The following SPAG16 variants were observed in gnomAD, a reference collection of about 807,000 sequenced individuals.
The protein encoded by SPAG16 is sperm-associated antigen 16 protein.
SPAG16 carries 86 observed loss-of-function variants against 80.4 expected under a neutral mutation model. The observed-to-expected ratio is 1.07, with a 90% CI of 0.90 to 1.28. The LOEUF is 1.28. Among genes scored for constraint, SPAG16 ranks in the 50% most tolerant of loss-of-function variants. The pLI, the probability that SPAG16 is intolerant of heterozygous loss-of-function variation, is 0.00. For missense variants in SPAG16, 870 were observed against 765.3 expected, an observed-to-expected ratio of 1.14 and a Z score of -1.61; for synonymous variants, 294 against 265.9, an observed-to-expected ratio of 1.11 and a Z score of -1.03.
intron 5 of SPAG16, among the ~76,000 whole-genome samples, chr2:213,326,799 A>T (rs1019132554): frequency 6.6e-6 from 1 of 152,028 alleles, no homozygotes; most frequent in African/African-American, 2.4e-5. Flanking sequence ...CAATAAACTC[A>T]TTATTAAATG....
At chr2:214,026,591 T>G (rs2048143585) in intron 13 of SPAG16, among the ~76,000 whole-genome samples, 1 of 151,452 alleles carries the variant, frequency 6.6e-6, no homozygotes, top group Non-Finnish European at 1.5e-5. Context: ...TCCAAGGAGA[T>G]CCTAATAATG....
chr2:213,681,768 AT>A (rs949984512), intron 10 of SPAG16, among the ~76,000 whole-genome samples: 1 of 152,134 alleles, frequency 6.6e-6, no homozygotes, highest in Non-Finnish European at 1.5e-5. Flanking sequence ...TCTGCACTGC[AT>A]TTTTTTCTTT....
intron 14 of SPAG16, among the ~76,000 whole-genome samples, chr2:214,143,977 G>A (rs2055500829): frequency 6.6e-6 from 1 of 152,046 alleles, no homozygotes; most frequent in South Asian, 2.1e-4. Flanking sequence ...GAGCAACATA[G>A]CAAGACCCTG....
At chr2:213,375,195 C>A in intron 9 of SPAG16, 76 bp downstream of exon 9, 1 of 1,052,004 alleles carries the variant, frequency 9.5e-7, no homozygotes, top group South Asian at 1.7e-5. Flanking sequence ...CATATGGTAT[C>A]ATTATTTTAC....
intron 10 of SPAG16, among the ~76,000 whole-genome samples, chr2:213,787,882 T>C (rs545125309): frequency 6.6e-6 from 1 of 152,182 alleles, no homozygotes; most frequent in South Asian, 2.1e-4. Context: ...ATCTGGATAC[T>C]ATCACAAAAA....
rs1165604990 is a variant in SPAG16 at position 213,750,860 on chromosome 2, G to T, written c.1071-111625G>T. Among the ~76,000 whole-genome samples the T allele has an allele frequency of 8.5e-5, 13 of 152,188 alleles. No homozygotes were observed. In the East Asian group the frequency reaches 2.5e-3, roughly 29 times the overall value. Reference sequence around the variant, plus strand: ...ACCAGAATAATGCTTCCCTTAATATGGGTTGCATCCTCATCATAACAGCTT... The same window carrying T: ...ACCAGAATAATGCTTCCCTTAATATTGGTTGCATCCTCATCATAACAGCTT... On this transcript the variant is annotated intron_variant, in intron 10 of 15. Coordinates refer to ENST00000331683, the MANE Select transcript of SPAG16 (RefSeq NM_024532.5).
At chr2:214,219,426 ATTAT>A (rs573675317) in intron 15 of SPAG16, among the ~76,000 whole-genome samples, 177 of 152,264 alleles carry the variant, frequency 1.2e-3, no homozygotes, top group Non-Finnish European at 2.1e-3. Flanking sequence ...ATCAAATAGA[ATTAT>A]TTACTTATGT....
rs2068733618 is a variant in SPAG16 at position 213,407,871 on chromosome 2, A to T, written c.942+32752A>T. Among the ~76,000 whole-genome samples, 2 of 125,672 alleles carry T rather than the reference A, an allele frequency of 1.6e-5. 1 individual carries two copies. Among genetic ancestry groups the T allele is most frequent in the South Asian group, 5.8e-4 (2 of 3,458 alleles). The allele number at this position is 125,672 out of a possible 152,430, so 82.4% of individuals were successfully genotyped here. A position where few individuals can be genotyped will look rare whatever the true frequency, so the allele number is the denominator to read the frequency against. ...AGAGAGGCAGAGAGAGAGACAGGAG[A>T]GAGGAGAGAGGCAGAGAGAGAGAGA... On this transcript the variant is annotated intron_variant, in intron 9 of 15. Coordinates refer to ENST00000331683, the MANE Select transcript of SPAG16 (RefSeq NM_024532.5).
intron 15 of SPAG16, among the ~76,000 whole-genome samples, chr2:214,305,121 G>A (rs1694824520): frequency 6.6e-6 from 1 of 152,180 alleles, no homozygotes; most frequent in Non-Finnish European, 1.5e-5. Context: ...TTTATCTAAT[G>A]ATCAGTGATG....
chr2:214,380,387 C>T (rs1004769634), intron 15 of SPAG16, among the ~76,000 whole-genome samples: 1 of 152,228 alleles, frequency 6.6e-6, no homozygotes, highest in African/African-American at 2.4e-5. Context: ...TTCTATTGAA[C>T]TCTACTGAAA....
At chr2:213,883,911 G>C (rs79207716) in intron 11 of SPAG16, among the ~76,000 whole-genome samples, 1,578 of 152,214 alleles carry the variant, frequency 0.01, 34 homozygotes, top group African/African-American at 0.035. Flanking sequence ...TTACATGTGT[G>C]ATATATCTCT....
intron 13 of SPAG16, among the ~76,000 whole-genome samples, chr2:214,021,665 A>G (rs779936121): frequency 1.1e-4 from 16 of 152,158 alleles, no homozygotes; most frequent in Non-Finnish European, 1.6e-4. Context: ...ATAAATATGC[A>G]AAGTGCTTGA....
intron 14 of SPAG16, among the ~76,000 whole-genome samples, chr2:214,121,911 C>A (rs1044652053): frequency 6.6e-6 from 1 of 151,626 alleles, no homozygotes; most frequent in African/African-American, 2.4e-5. Flanking sequence ...TATGTATATG[C>A]AAATATTCTA....
At chr2:213,786,886 G>C (rs1301806281) in intron 10 of SPAG16, among the ~76,000 whole-genome samples, 1 of 152,092 alleles carries the variant, frequency 6.6e-6, no homozygotes, top group Non-Finnish European at 1.5e-5. Flanking sequence ...TTTGCAATTA[G>C]TAATAGTTAC....
chr2:213,387,700 C>T lies in SPAG16; in HGVS notation c.942+12581C>T, dbSNP rs537207778. 4.4e-3 allele frequency among the ~76,000 whole-genome samples: 667 copies of T among 151,242 alleles called. 8 individuals are homozygous for T. Among genetic ancestry groups the T allele is most frequent in the African/African-American group, 0.015 (598 of 41,082 alleles). ...CGATCTCCTGACCTCGTGATCCGCC[C>T]GCCTCGGCCTCCCAAAGTGCTGGGA... On this transcript the variant is annotated intron_variant, in intron 9 of 15. Transcript: ENST00000331683.
At chr2:214,198,446 T>C (rs2057909948) in intron 15 of SPAG16, among the ~76,000 whole-genome samples, 1 of 152,118 alleles carries the variant, frequency 6.6e-6, no homozygotes, top group Non-Finnish European at 1.5e-5. Flanking sequence ...CATTCTTTTT[T>C]TGGTTGAGTA....
chr2:213,805,034 A>G (rs1478252091), intron 10 of SPAG16, among the ~76,000 whole-genome samples: 1 of 152,240 alleles, frequency 6.6e-6, no homozygotes, highest in Non-Finnish European at 1.5e-5. Context: ...AGCTCATTAC[A>G]TATTATAATA....
At chr2:214,138,991 G>A (rs779002574) in intron 14 of SPAG16, among the ~76,000 whole-genome samples, 1 of 152,080 alleles carries the variant, frequency 6.6e-6, no homozygotes, top group African/African-American at 2.4e-5. Flanking sequence ...AAGCTAAGTG[G>A]ATCTACTCCA....
chr2:213,692,393 A>G (rs2064978419), intron 10 of SPAG16, among the ~76,000 whole-genome samples: 1 of 152,212 alleles, frequency 6.6e-6, no homozygotes, highest in South Asian at 2.1e-4. Context: ...TTGTGTTTGT[A>G]CTAAAAATAC....
Sources: allele counts gnomAD v4.1 joint callset (sites outside exome capture counted in the v4.1 genomes callset), GRCh38; gene constraint gnomAD v4.1.1; transcripts MANE v1.5; gene names NCBI Gene and HGNC (gene_info 2026-07-23, HGNC 2026-07-21).